SYN2: variants seen among roughly 807,000 people sequenced by gnomAD.
SYN2 encodes the protein synapsin II.
Under a neutral mutation model 50.9 loss-of-function variants are expected in SYN2, and 19 were observed. The ratio of observed to expected loss-of-function variants is 0.37; its 90% CI spans 0.26 to 0.55. The LOEUF (loss-of-function observed/expected upper bound fraction) is 0.55. Ranked by LOEUF, SYN2 falls within the 20% of genes least tolerant of loss-of-function variation. The pLI is 0.81. For synonymous variants in SYN2, 255 were observed against 224.9 expected (o/e 1.13, Z -1.20); for missense variants, 587 against 576.4 (o/e 1.02, Z -0.19).
intron 12 of SYN2, among the ~76,000 whole-genome samples, chr3:12,188,024 T>G (rs1698380741): frequency 1.2e-4 from 1 of 8,118 alleles, no homozygotes; most frequent in Non-Finnish European, 2.2e-4. Context: ...TTTCTTTCTT[T>G]GTAAAAAAAA....
intron 5 of SYN2, chr3:12,157,549 G>T: frequency 6.7e-7 from 1 of 1,490,094 alleles, no homozygotes; most frequent in Non-Finnish European, 9.3e-7. Context: ...AGGTCTGGAT[G>T]ATCCAGGGTC....
intron 1 of SYN2, among the ~76,000 whole-genome samples, chr3:12,058,361 CTACTAAAGGAATCAGAACTCA>C (rs1695041209): frequency 6.6e-6 from 1 of 152,086 alleles, no homozygotes; most frequent in Non-Finnish European, 1.5e-5. Context: ...ATATATAGGA[CTACTAAAGGAATCAGAACTCA>C]GAATTTTTTT....
intron 1 of SYN2, among the ~76,000 whole-genome samples, chr3:12,133,867 T>G (rs1204521697): frequency 6.6e-6 from 1 of 152,238 alleles, no homozygotes; most frequent in Non-Finnish European, 1.5e-5. Flanking sequence ...GGCATGGCAC[T>G]TATATTTTAA....
chr3:12,056,362 G>T (rs1409349975), intron 1 of SYN2, among the ~76,000 whole-genome samples: 1 of 151,856 alleles, frequency 6.6e-6, no homozygotes. Context: ...TAACCTGGAT[G>T]GTGGATACAT....
At chr3:12,118,334 C>T (rs965608026) in intron 1 of SYN2, among the ~76,000 whole-genome samples, 4 of 152,162 alleles carry the variant, frequency 2.6e-5, no homozygotes, top group Non-Finnish European at 4.4e-5. Flanking sequence ...GAGGCTGAGG[C>T]AGGAGGATTG....
intron 1 of SYN2, among the ~76,000 whole-genome samples, chr3:12,135,511 A>T (rs2125212604): frequency 6.6e-6 from 1 of 152,302 alleles, no homozygotes; most frequent in Admixed American, 6.5e-5. Flanking sequence ...TGCCTTCTGG[A>T]GTATGTGAAT....
At chr3:12,158,892 C>T (rs1453715596) in intron 5 of SYN2, 1 of 1,469,948 alleles carries the variant, frequency 6.8e-7, no homozygotes, top group South Asian at 1.3e-5. Flanking sequence ...CTGGACGGCC[C>T]CAGCAGGGCT....
chr3:12,106,975 A>G (rs1696206124), intron 1 of SYN2, among the ~76,000 whole-genome samples: 1 of 151,286 alleles, frequency 6.6e-6, no homozygotes, highest in African/African-American at 2.4e-5. Context: ...CTAGGAGATA[A>G]AAGTTGGATT....
At chr3:12,097,333 G>A (rs903855695) in intron 1 of SYN2, among the ~76,000 whole-genome samples, 8 of 152,154 alleles carry the variant, frequency 5.3e-5, no homozygotes, top group African/African-American at 1.9e-4. Flanking sequence ...ATGGCCGGGT[G>A]CGGTGGCTAA....
intron 1 of SYN2, among the ~76,000 whole-genome samples, chr3:12,126,483 C>A (rs1439989713): frequency 6.6e-6 from 1 of 152,170 alleles, no homozygotes; most frequent in East Asian, 1.9e-4. Context: ...CACTGTCAGA[C>A]CCTGAAAATA....
intron 5 of SYN2, chr3:12,156,972 G>C: frequency 6.9e-7 from 1 of 1,445,768 alleles, no homozygotes; most frequent in South Asian, 1.1e-5. Flanking sequence ...TATTGGGTCA[G>C]TGAGTGTACT....
chr3:12,175,881 G>A (rs1487004236), intron 10 of SYN2, among the ~76,000 whole-genome samples: 2 of 152,252 alleles, frequency 1.3e-5, no homozygotes, highest in African/African-American at 2.4e-5. Flanking sequence ...CCAAGAGCAG[G>A]GAGGTGAGTG....
chr3:12,006,930 T>C (rs1179758105), intron 1 of SYN2, among the ~76,000 whole-genome samples: 1 of 152,150 alleles, frequency 6.6e-6, no homozygotes, highest in Non-Finnish European at 1.5e-5. Context: ...ATGACATTCG[T>C]GCTTTATTTT....
intron 1 of SYN2, among the ~76,000 whole-genome samples, chr3:12,100,690 A>G (rs1032985644): frequency 2.0e-5 from 3 of 152,176 alleles, no homozygotes; most frequent in African/African-American, 7.2e-5. Flanking sequence ...ACAACCCACA[A>G]AATGGGAAAA....
At chr3:12,132,848 T>C (rs941809700) in intron 1 of SYN2, among the ~76,000 whole-genome samples, 1 of 152,198 alleles carries the variant, frequency 6.6e-6, no homozygotes, top group Non-Finnish European at 1.5e-5. Flanking sequence ...CTGTTACAGC[T>C]CACAGGACTG....
chr3:12,043,793 C>T (rs953786298), intron 1 of SYN2, among the ~76,000 whole-genome samples: 2 of 152,278 alleles, frequency 1.3e-5, no homozygotes, highest in Non-Finnish European at 2.9e-5. Context: ...TCTTCCCCCA[C>T]GTCTGTACCT....
chr3:12,162,144 A>G lies in SYN2; in HGVS notation c.970A>G (p.Lys324Glu). 6.2e-7 allele frequency: 1 copy of G among 1,614,130 alleles called. No individual in the cohort carries two copies. Among genetic ancestry groups the G allele is most frequent in the Non-Finnish European group, 8.5e-7 (1 of 1,180,008 alleles). The change falls in exon 7 of 13, where the codon AAG becomes GAG. Residue 324 changes from lysine to glutamate, a missense_variant. Lys to Glu is a moderately conservative substitution (Grantham distance 56). Transcript: ENST00000621198. Reference sequence around the variant, plus strand: ...GGTCCAGAAGATTGGCAACAACTACAAGGCTTACATGTGAGTAAGAGTGGG... The same window carrying G: ...GGTCCAGAAGATTGGCAACAACTACGAGGCTTACATGTGAGTAAGAGTGGG... Reference protein sequence around the residue: ...IRVQKIGNNYKAYMRTSISGN... With the variant: ...IRVQKIGNNYEAYMRTSISGN...
chr3:12,119,121 A>G (rs1696495129), intron 1 of SYN2, among the ~76,000 whole-genome samples: 1 of 151,834 alleles, frequency 6.6e-6, no homozygotes, highest in East Asian at 1.9e-4. Flanking sequence ...TCCTGTCCTC[A>G]CTATATTATT....
chr3:12,095,675 T>C (rs1489504515), intron 1 of SYN2, among the ~76,000 whole-genome samples: 1 of 149,828 alleles, frequency 6.7e-6, no homozygotes, highest in Non-Finnish European at 1.5e-5. Flanking sequence ...TTCCTTCTTC[T>C]TTCCCCCTAC....
Sources: gnomAD v4.1 joint callset for allele counts (sites outside exome capture counted in the v4.1 genomes callset) on GRCh38, gnomAD v4.1.1 for gene constraint, MANE v1.5 for transcripts, NCBI Gene and HGNC (gene_info 2026-07-23, HGNC 2026-07-21) for gene names.